NR3C2: variants seen among roughly 807,000 people sequenced by gnomAD.
The protein encoded by NR3C2 is mineralocorticoid receptor.
A neutral mutation model predicts 86.4 loss-of-function variants in NR3C2; 15 were observed. The observed-to-expected ratio is 0.17, with a 90% CI of 0.12 to 0.27. The LOEUF (loss-of-function observed/expected upper bound fraction) is 0.27, where lower values mean the gene tolerates loss of function less well. Ranked by LOEUF, NR3C2 falls within the 10% of genes least tolerant of loss-of-function variation. The pLI, the probability that NR3C2 is intolerant of heterozygous loss-of-function variation, is 1.00. For synonymous variants in NR3C2, 458 were observed against 450.5 expected, an observed-to-expected ratio of 1.02 and a Z score of -0.21; for missense variants, 960 against 1,195.6, an observed-to-expected ratio of 0.80 and a Z score of 2.91.
intron 8 of NR3C2, among the ~76,000 whole-genome samples, chr4:148,089,552 C>A (rs975405418): frequency 6.6e-6 from 1 of 152,236 alleles, no homozygotes; most frequent in Admixed American, 6.5e-5. Flanking sequence ...CAATAAAACA[C>A]CATTTCCCTC....
At chr4:148,094,283 A>G (rs1342347678) in intron 8 of NR3C2, among the ~76,000 whole-genome samples, 1 of 152,256 alleles carries the variant, frequency 6.6e-6, no homozygotes, top group Non-Finnish European at 1.5e-5. Flanking sequence ...GTGAAAATGT[A>G]TAATGGTGCA....
chr4:148,362,903 T>C (rs1398882125), intron 2 of NR3C2, among the ~76,000 whole-genome samples: 3 of 152,192 alleles, frequency 2.0e-5, no homozygotes, highest in Admixed American at 2.0e-4. Flanking sequence ...GTTTCCGTTA[T>C]GACATCTTTC....
intron 3 of NR3C2, among the ~76,000 whole-genome samples, chr4:148,211,489 A>G (rs962150266): frequency 2.0e-5 from 3 of 152,212 alleles, no homozygotes; most frequent in Non-Finnish European, 4.4e-5. Flanking sequence ...CTACTTATGT[A>G]TTTATTTTTA....
chr4:148,310,872 C>G (rs1259934735), intron 2 of NR3C2, among the ~76,000 whole-genome samples: 1 of 152,138 alleles, frequency 6.6e-6, no homozygotes, highest in Non-Finnish European at 1.5e-5. Flanking sequence ...TCCCTGTCTC[C>G]AGTTTCTCTC....
chr4:148,401,624 C>T (rs902031029), intron 2 of NR3C2, among the ~76,000 whole-genome samples: 5 of 151,926 alleles, frequency 3.3e-5, no homozygotes, highest in Non-Finnish European at 5.9e-5. Flanking sequence ...CCACCACGCC[C>T]GGCTAATTTT....
At chr4:148,310,859 T>A (rs570523213) in intron 2 of NR3C2, among the ~76,000 whole-genome samples, 5 of 152,294 alleles carry the variant, frequency 3.3e-5, no homozygotes, top group African/African-American at 9.6e-5. Flanking sequence ...GAATTCTCTG[T>A]GCTCCCTGTC....
chr4:148,173,845 C>T (rs1735246789), intron 4 of NR3C2, among the ~76,000 whole-genome samples: 1 of 152,074 alleles, frequency 6.6e-6, no homozygotes, highest in East Asian at 1.9e-4. Flanking sequence ...AGCACTGAAG[C>T]GAAGGAGCGT....
intron 3 of NR3C2, among the ~76,000 whole-genome samples, chr4:148,222,669 T>C (rs1737922034): frequency 6.6e-6 from 1 of 152,238 alleles, no homozygotes; most frequent in Non-Finnish European, 1.5e-5. Context: ...GCGGGTTATA[T>C]ATTCTGTTGG....
At chr4:148,245,004 C>T (rs1477927171) in intron 3 of NR3C2, among the ~76,000 whole-genome samples, 1 of 151,976 alleles carries the variant, frequency 6.6e-6, no homozygotes, top group Non-Finnish European at 1.5e-5. Flanking sequence ...TTTTTCTCAC[C>T]AGGATTCGAA....
At chr4:148,338,103 G>C (rs1352739306) in intron 2 of NR3C2, among the ~76,000 whole-genome samples, 1 of 152,262 alleles carries the variant, frequency 6.6e-6, no homozygotes, top group East Asian at 1.9e-4. Context: ...AGGTCATAGA[G>C]AGTTAGCACA....
chr4:148,169,552 C>T (rs1735032981), intron 4 of NR3C2, among the ~76,000 whole-genome samples: 1 of 151,436 alleles, frequency 6.6e-6, no homozygotes, highest in African/African-American at 2.4e-5. Context: ...ATATTCATCT[C>T]TTTATCCTCA....
chr4:148,267,275 CT>C (rs1003659715), intron 2 of NR3C2, among the ~76,000 whole-genome samples: 8 of 141,944 alleles, frequency 5.6e-5, no homozygotes, highest in African/African-American at 7.8e-5. Flanking sequence ...ATCTATAATT[CT>C]TTTTTTTTAA....
chr4:148,308,035 C>T (rs1700642643), intron 2 of NR3C2, among the ~76,000 whole-genome samples: 1 of 152,046 alleles, frequency 6.6e-6, no homozygotes, highest in Admixed American at 6.5e-5. Context: ...CTAAGTTTTG[C>T]TTATGAGGTT....
At chr4:148,295,329 T>A (rs1454405479) in intron 2 of NR3C2, among the ~76,000 whole-genome samples, 1 of 151,786 alleles carries the variant, frequency 6.6e-6, no homozygotes, top group Admixed American at 6.6e-5. Flanking sequence ...AGTATGTAAA[T>A]AAACACTGTC....
chr4:148,134,965 G>A (rs1056687706), intron 6 of NR3C2, among the ~76,000 whole-genome samples: 3 of 151,808 alleles, frequency 2.0e-5, no homozygotes, highest in African/African-American at 7.3e-5. Context: ...ACCCTCCCTG[G>A]GATTCTTGAG....
intron 6 of NR3C2, among the ~76,000 whole-genome samples, chr4:148,135,413 C>T (rs1303130749): frequency 6.6e-6 from 1 of 152,120 alleles, no homozygotes; most frequent in Admixed American, 6.5e-5. Flanking sequence ...CTGGTAGAAG[C>T]AGCAACAAGG....
intron 8 of NR3C2, among the ~76,000 whole-genome samples, chr4:148,081,935 C>T (rs1311716053): frequency 6.6e-5 from 10 of 152,160 alleles, no homozygotes; most frequent in Non-Finnish European, 1.5e-5. Flanking sequence ...CCACAGATGC[C>T]CAGGAGGGTG....
At chr4:148,108,776 C>T (rs1731918543) in intron 8 of NR3C2, among the ~76,000 whole-genome samples, 1 of 152,144 alleles carries the variant, frequency 6.6e-6, no homozygotes, top group Admixed American at 6.5e-5. Flanking sequence ...ATGTTGAGGC[C>T]AACTAACATT....
chr4:148,327,861 T>C (rs929534324), intron 2 of NR3C2, among the ~76,000 whole-genome samples: 1 of 152,216 alleles, frequency 6.6e-6, no homozygotes, highest in Non-Finnish European at 1.5e-5. Context: ...CTGACCTACA[T>C]GCAGGGCTAT....
Sources: allele counts gnomAD v4.1 joint callset (sites outside exome capture counted in the v4.1 genomes callset), GRCh38; gene constraint gnomAD v4.1.1; transcripts MANE v1.5; gene names NCBI Gene and HGNC (gene_info 2026-07-23, HGNC 2026-07-21).